The following PLXNA2 variants were observed in gnomAD, a reference collection of about 807,000 sequenced individuals.
The protein encoded by PLXNA2 is plexin-A2.
In PLXNA2, 91 loss-of-function variants were observed where a neutral mutation model predicts 193.5. That is an observed-to-expected ratio of 0.47 (90% CI 0.40 to 0.56). The LOEUF is 0.56. Ranked by LOEUF, PLXNA2 falls within the 20% of genes least tolerant of loss-of-function variation. The probability of loss-of-function intolerance (pLI) is 0.00; values close to 1 mark genes in which losing one functional copy is unlikely to be tolerated. For missense variants in PLXNA2, 1,995 were observed against 2,503.2 expected (o/e 0.80, Z 4.33); for synonymous variants, 997 against 1,027.3 (o/e 0.97, Z 0.56).
intron 1 of PLXNA2, among the ~76,000 whole-genome samples, chr1:208,237,228 T>G (rs1161941364): frequency 6.6e-6 from 1 of 152,234 alleles, no homozygotes; most frequent in Non-Finnish European, 1.5e-5. Context: ...AGCAAGCACA[T>G]GGCAGAGGCA....
intron 28 of PLXNA2, among the ~76,000 whole-genome samples, chr1:208,032,804 A>C (rs1197322398): frequency 6.6e-6 from 1 of 152,106 alleles, no homozygotes; most frequent in Non-Finnish European, 1.5e-5. Context: ...CAGAAAGGGG[A>C]TAGAAAGGCC....
intron 3 of PLXNA2, among the ~76,000 whole-genome samples, chr1:208,186,028 A>G (rs1175738108): frequency 6.6e-6 from 1 of 152,204 alleles, no homozygotes; most frequent in Non-Finnish European, 1.5e-5. Context: ...GTACACGCAC[A>G]GGTGGGGAAA....
At chr1:208,094,317 A>T (rs1206748483) in intron 8 of PLXNA2, among the ~76,000 whole-genome samples, 1 of 152,168 alleles carries the variant, frequency 6.6e-6, no homozygotes, top group Non-Finnish European at 1.5e-5. Flanking sequence ...ATTACAGCAA[A>T]TTATTAAAAG....
intron 13 of PLXNA2, among the ~76,000 whole-genome samples, chr1:208,058,651 T>C (rs1665518915): frequency 6.6e-6 from 1 of 152,086 alleles, no homozygotes; most frequent in Admixed American, 6.5e-5. Flanking sequence ...GCCTACCCCA[T>C]ACCTGAAGTG....
intron 12 of PLXNA2, among the ~76,000 whole-genome samples, chr1:208,069,171 AG>A (rs1426897530): frequency 6.6e-6 from 1 of 152,196 alleles, no homozygotes; most frequent in African/African-American, 2.4e-5. Flanking sequence ...AGGCATGCCT[AG>A]GTCATAGCAC....
chr1:208,179,335 T>C (rs1349005348), intron 3 of PLXNA2, among the ~76,000 whole-genome samples: 4 of 152,194 alleles, frequency 2.6e-5, no homozygotes, highest in Non-Finnish European at 5.9e-5. Context: ...GGTTGCAGCT[T>C]TGGTGCATTT....
chr1:208,210,327 C>T lies in PLXNA2; in HGVS notation c.1324G>A (p.Gly442Ser), dbSNP rs1422738658. Reference sequence around the variant, plus strand: ...GTCCCCACAAAAACCACGCTGTAGCCGTTGTAAACGTAGGAGGCCACAGAG... The same window carrying T: ...GTCCCCACAAAAACCACGCTGTAGCTGTTGTAAACGTAGGAGGCCACAGAG... ...MTSVASYVYN[G>S]YSVVFVGTKS... The change falls in exon 3 of 32, where the codon GGC becomes AGC. Residue 442 changes from glycine (G) to serine (S), a missense_variant. Gly to Ser is a moderately conservative substitution (Grantham distance 56). This residue lies in a region of PLXNA2 where 702 missense variants were observed against 812.9 expected (regional missense o/e 0.86). Transcript: ENST00000367033. The T allele has an allele frequency of 4.3e-6, 7 of 1,613,824 alleles. No homozygotes were observed. Among genetic ancestry groups the T allele is most frequent in the Admixed American group, 1.7e-5 (1 of 59,982 alleles).
chr1:208,096,154 T>A (rs750081738), intron 7 of PLXNA2, 29 bp from the exon 8 acceptor site: 5 of 1,576,240 alleles, frequency 3.2e-6, no homozygotes, highest in Admixed American at 3.3e-5. Flanking sequence ...AAGGATGGGG[T>A]TGGGTAACAA....
chr1:208,038,450 C>T lies in PLXNA2; in HGVS notation c.4685G>A (p.Arg1562Gln), dbSNP rs769442977. 8.7e-6 allele frequency: 14 copies of T among 1,613,996 alleles called. No homozygotes were observed. Among genetic ancestry groups the T allele is most frequent in the Admixed American group, 3.3e-5 (2 of 60,006 alleles). Reference protein sequence around the residue: ...DLEWRQGRIARVVLQDEDITT... With the variant: ...DLEWRQGRIAQVVLQDEDITT... Reference sequence around the variant, plus strand: ...GATGTCCTCATCTTGCAGCACGACCCGGGCGATCCGGCCTTGGCGCCACTC... The same window carrying T: ...GATGTCCTCATCTTGCAGCACGACCTGGGCGATCCGGCCTTGGCGCCACTC... The change falls in exon 26 of 32, where the codon CGG becomes CAG. Residue 1562 changes from arginine (R) to glutamine (Q), a missense_variant. Around this residue, in one of 3 missense-constraint regions of PLXNA2, gnomAD observed 1,291 missense variants for 1,673.6 expected, o/e 0.77. Coordinates refer to ENST00000367033, the MANE Select transcript of PLXNA2 (RefSeq NM_025179.4). This position sits in a 1 kb window ranked among gnomAD's most constrained non-coding sequence, Gnocchi z 4.1.
chr1:208,095,632 G>A (rs899940285), intron 8 of PLXNA2, among the ~76,000 whole-genome samples: 3 of 152,046 alleles, frequency 2.0e-5, no homozygotes, highest in South Asian at 2.1e-4. Flanking sequence ...TCGCTATCTC[G>A]GAGTCCCTCT....
At position 208,039,621 on chromosome 1, in the gene PLXNA2, C is replaced by G; in HGVS notation, c.4500G>C (p.Leu1500=). The part of the protein sequence containing the change: ...LIRQQIEYKT[L]ILNCVNPDNE... ...GGCCCGGAGCTTCCGGCTTCCTCAC[C>G]AGGGTCTTGTACTCGATCTGCTGCC... Residue 1500 remains leucine (L), a splice_region_variant and synonymous_variant, in exon 24 of 32, where the codon CTG becomes CTC. Coordinates refer to ENST00000367033, the MANE Select transcript of PLXNA2 (RefSeq NM_025179.4). 1 of 1,613,712 alleles carries G rather than the reference C, an allele frequency of 6.2e-7. No individual in the cohort carries two copies. Among genetic ancestry groups the G allele is most frequent in the Non-Finnish European group, 8.5e-7 (1 of 1,180,038 alleles).
In PLXNA2 at chr1:208,034,525, G is replaced by A. The variant is rs765317026; in HGVS notation, c.4832C>T (p.Ala1611Val). ...QTSSYNIPAS[A>V]SISRTSISRY... ...GCTGATGGACGTCCGGGAGATGCTG[G>A]CAGAGGCAGGGATGTTGTAGGAGGA... Residue 1611 changes from alanine (A) to valine (V), a missense_variant, in exon 27 of 32, where the codon GCC (alanine) becomes GTC (valine). This residue lies in a region of PLXNA2 where 1,291 missense variants were observed against 1,673.6 expected (regional missense o/e 0.77). Transcript: ENST00000367033. 3.7e-6 allele frequency: 6 copies of A among 1,613,882 alleles called. No homozygotes were observed. Among genetic ancestry groups the A allele is most frequent in the Non-Finnish European group, 5.1e-6 (6 of 1,179,772 alleles).
At chr1:208,172,211 C>A (rs190269845) in intron 3 of PLXNA2, among the ~76,000 whole-genome samples, 8 of 151,678 alleles carry the variant, frequency 5.3e-5, no homozygotes, top group African/African-American at 1.7e-4. Flanking sequence ...TGTTTGCAGA[C>A]CTATGTGAAA....
chr1:208,084,584 G>C lies in PLXNA2; in HGVS notation c.2098-4C>G. On this transcript the variant is annotated splice_region_variant and splice_polypyrimidine_tract_variant and intron_variant, in intron 9 of 31. Coordinates refer to ENST00000367033, the MANE Select transcript of PLXNA2 (RefSeq NM_025179.4). ...TGGGCACCAGCTGGGGACAGTCCTG[G>C]GGGAACAAACGAAGAGGCTCCATCT... is the stretch of plus-strand genomic sequence containing the variant. The C allele has an allele frequency of 6.2e-7, 1 of 1,613,738 alleles. No individual in the cohort carries two copies. The highest frequency in any genetic ancestry group is 8.5e-7 in the Non-Finnish European group (1 of 1,179,690).
intron 3 of PLXNA2, among the ~76,000 whole-genome samples, chr1:208,155,357 G>T (rs1668906818): frequency 6.6e-6 from 1 of 152,108 alleles, no homozygotes; most frequent in Non-Finnish European, 1.5e-5. Flanking sequence ...ACAGAGAGAA[G>T]GCAGCTCGGG....
At chr1:208,176,642 G>A (rs1669670668) in intron 3 of PLXNA2, among the ~76,000 whole-genome samples, 3 of 152,140 alleles carry the variant, frequency 2.0e-5, no homozygotes, top group Admixed American at 2.0e-4. Context: ...GACTGAGGAT[G>A]CAAGGGAAGG....
chr1:208,050,531 T>C (rs1223248835), intron 17 of PLXNA2, among the ~76,000 whole-genome samples: 1 of 152,236 alleles, frequency 6.6e-6, no homozygotes, highest in Non-Finnish European at 1.5e-5. Flanking sequence ...ACTGTCATTA[T>C]AATATAAAAA....
At chr1:208,031,424 G>T (rs1664499298) in intron 29 of PLXNA2, 166 bp downstream of exon 29, 1 of 1,320,410 alleles carries the variant, frequency 7.6e-7, no homozygotes, top group Admixed American at 2.6e-5. Context: ...TGGGGACCGT[G>T]TGGGCTCTGC....
chr1:208,175,387 C>A (rs1222740416), intron 3 of PLXNA2, among the ~76,000 whole-genome samples: 1 of 152,186 alleles, frequency 6.6e-6, no homozygotes, highest in Non-Finnish European at 1.5e-5. Context: ...TCCTTCCTTT[C>A]CAGGGGAGGT....
Sources: allele counts gnomAD v4.1 joint callset (sites outside exome capture counted in the v4.1 genomes callset), GRCh38; gene constraint gnomAD v4.1.1; regional missense constraint gnomAD v4.1.1; non-coding constraint Gnocchi (gnomAD v3.1); transcripts MANE v1.5; gene names NCBI Gene and HGNC (gene_info 2026-07-23, HGNC 2026-07-21).